The following STX16 variants were observed in gnomAD, a reference collection of about 807,000 sequenced individuals.
STX16 encodes syntaxin-16.
STX16 carries 28 observed loss-of-function variants against 42.7 expected under a neutral mutation model. That is an observed-to-expected ratio of 0.66 (90% confidence interval 0.49 to 0.90). The LOEUF (loss-of-function observed/expected upper bound fraction) is 0.90, where lower values mean the gene tolerates loss of function less well. Among genes scored for constraint, STX16 ranks in the 40% least tolerant of loss-of-function variants. STX16 has a pLI of 0.00. For missense variants in STX16, 361 were observed against 420.9 expected (o/e 0.86, Z 1.24); for synonymous variants, 156 against 155.2 (o/e 1.00, Z -0.04).
At chr20:58,658,162 C>T (rs1348792679) in intron 1 of STX16, among the ~76,000 whole-genome samples, 2 of 152,028 alleles carry the variant, frequency 1.3e-5, no homozygotes, top group Non-Finnish European at 2.9e-5. Flanking sequence ...GAGATTTTAA[C>T]CGAGGTTTGC....
At chr20:58,669,504 T>C in intron 5 of STX16, 51 bp downstream of exon 5, 1 of 1,551,964 alleles carries the variant, frequency 6.4e-7, no homozygotes, top group Middle Eastern at 1.7e-4. Flanking sequence ...AAAAGCACTT[T>C]ATGTTTTCTT....
In STX16 at chr20:58,657,005, C is replaced by T. The variant is rs769108871; in HGVS notation, c.133-2618C>T. Among the ~76,000 whole-genome samples, 18 of 152,240 alleles carry T rather than the reference C, an allele frequency of 1.2e-4. No homozygotes were observed. Among genetic ancestry groups the T allele is most frequent in the Admixed American group, 2.6e-4 (4 of 15,282 alleles). On this transcript the variant is annotated intron_variant, in intron 1 of 8. Coordinates refer to ENST00000371141, the MANE Select transcript of STX16 (RefSeq NM_001001433.3). The surrounding 1 kb of genome is among the most constrained non-coding windows in gnomAD (Gnocchi z 4.2). ...ATGGCTGGGGGCTGTGATTGGAACT[C>T]TGGCAAATCTGGCTTCAGAGCCCCG... is the stretch of plus-strand genomic sequence containing the variant.
chr20:58,652,396 T>G (rs2122880758), intron 1 of STX16: 2 of 455,186 alleles, frequency 4.4e-6, no homozygotes, highest in Non-Finnish European at 3.9e-6. Flanking sequence ...CCCCCCGCCT[T>G]GGCGTCACTG....
At chr20:58,673,515 G>A (rs2084031571) in intron 7 of STX16, 116 bp from the exon 8 acceptor site, 1 of 711,738 alleles carries the variant, frequency 1.4e-6, no homozygotes, top group Non-Finnish European at 2.4e-6. Context: ...CAGCACACAG[G>A]GAAGGAAAAC....
At position 58,678,072 on chromosome 20, in the gene STX16, T is replaced by C. The variant is rs1176455506; in HGVS notation, c.*1781T>C. 1 of 152,218 alleles carries C rather than the reference T, an allele frequency of 6.6e-6. No homozygotes were observed. The highest frequency in any genetic ancestry group is 1.5e-5 in the Non-Finnish European group (1 of 68,054). The allele number at this position is 152,218 out of a possible 1,614,324, so 9.4% of individuals were successfully genotyped here. On this transcript the variant is annotated 3_prime_UTR_variant, in exon 9 of 9. Coordinates refer to ENST00000371141, the MANE Select transcript of STX16 (RefSeq NM_001001433.3). ...GAGAGTCACTGCAGGTGTTCTTTCATCCCATCTGATTTTAACCCATGGTTG... is the reference window on the plus strand; with the variant it reads ...GAGAGTCACTGCAGGTGTTCTTTCACCCCATCTGATTTTAACCCATGGTTG...
chr20:58,651,665 G>A lies in STX16; in HGVS notation c.-342G>A. The A allele has an allele frequency of 3.9e-6, 1 of 253,404 alleles. No homozygotes were observed. Among genetic ancestry groups the A allele is most frequent in the Non-Finnish European group, 7.9e-6 (1 of 126,998 alleles). 15.7% of individuals were successfully genotyped at this position (253,404 alleles called of 1,614,324 possible). On this transcript the variant is annotated 5_prime_UTR_variant, in exon 1 of 9. Transcript: ENST00000371141. ...CTTCAGGGCCTCCCAGTCTAGAGCCGGATTGGCGAGTTAGACGCTTGTAGA... is the reference window on the plus strand; with the variant it reads ...CTTCAGGGCCTCCCAGTCTAGAGCCAGATTGGCGAGTTAGACGCTTGTAGA...
At chr20:58,673,588 A>G (rs749684578) in intron 7 of STX16, 43 bp from the exon 8 acceptor site, 8 of 1,335,788 alleles carry the variant, frequency 6.0e-6, no homozygotes, top group Non-Finnish European at 8.6e-6. Flanking sequence ...CAGTTTTCCC[A>G]GTTGCTATTG....
chr20:58,652,231 A>T, intron 1 of STX16, 93 bp downstream of exon 1: 1 of 1,524,480 alleles, frequency 6.6e-7, no homozygotes, highest in Non-Finnish European at 8.9e-7. Flanking sequence ...GTTTAAAAAG[A>T]GAAGATAAGA....
chr20:58,668,128 G>A lies in STX16; in HGVS notation c.393+1G>A. The stretch of plus-strand genomic sequence containing the variant: ...GATAACTACCCAAGAGATCACTCAG[G>A]TGAGGAGTGCAAGTGAGTCCTGGGG... On this transcript the variant is annotated splice_donor_variant, in intron 4 of 8. Coordinates refer to ENST00000371141, the MANE Select transcript of STX16 (RefSeq NM_001001433.3). LOFTEE classifies it high-confidence loss of function. 1 of 1,614,226 alleles carries A rather than the reference G, an allele frequency of 6.2e-7. No homozygotes were observed. The highest frequency in any genetic ancestry group is 8.5e-7 in the Non-Finnish European group (1 of 1,180,026).
At chr20:58,674,812 G>C (rs550711182) in intron 8 of STX16, among the ~76,000 whole-genome samples, 1 of 152,296 alleles carries the variant, frequency 6.6e-6, no homozygotes, top group Non-Finnish European at 1.5e-5. Context: ...TAATACCCAG[G>C]TTTTGATGTG....
In STX16 at chr20:58,657,729, A is replaced by G; in HGVS notation, c.133-1894A>G. On this transcript the variant is annotated intron_variant, in intron 1 of 8. Coordinates refer to ENST00000371141, the MANE Select transcript of STX16 (RefSeq NM_001001433.3). The surrounding 1 kb of genome is among the most constrained non-coding windows in gnomAD (Gnocchi z 4.2). Reference sequence around the variant, plus strand: ...AAATGTTTTAATTCAGGTCTTGACTAAATTTCCTGGTAATTTGGTGGCAGA... The same window carrying G: ...AAATGTTTTAATTCAGGTCTTGACTGAATTTCCTGGTAATTTGGTGGCAGA... Among the ~76,000 whole-genome samples, 1 of 152,236 alleles carries G rather than the reference A, an allele frequency of 6.6e-6. No homozygotes were observed.
chr20:58,656,628 C>G (rs780910641), intron 1 of STX16, among the ~76,000 whole-genome samples: 2 of 152,184 alleles, frequency 1.3e-5, no homozygotes, highest in Non-Finnish European at 2.9e-5. Flanking sequence ...AATCTATACT[C>G]TGCTTTAAAA....
intron 8 of STX16, among the ~76,000 whole-genome samples, chr20:58,674,190 G>A (rs73133403): frequency 0.058 from 8,838 of 152,194 alleles, 347 homozygotes; most frequent in Middle Eastern, 0.099. Flanking sequence ...AATTACCACA[G>A]CATATCTGTA....
In STX16 at chr20:58,670,524, G is replaced by T; in HGVS notation, c.569G>T (p.Arg190Leu). 6.2e-7 allele frequency: 1 copy of T among 1,613,778 alleles called. No individual in the cohort carries two copies. The highest frequency in any genetic ancestry group is 1.1e-5 in the South Asian group (1 of 91,040). Residue 190 changes from arginine to leucine, a missense_variant, in exon 6 of 9, where the codon CGA becomes CTA. By Grantham distance (102) the Arg-to-Leu change is moderately radical. Transcript: ENST00000371141. The part of the protein sequence containing the change: ...QSGYLKRMKN[R>L]EERSQHFFDT... ...CTATCTGTGATAGGCATGAAGAATC[G>T]AGAGGAAAGATCCCAGCATTTTTTC...
At chr20:58,655,823 C>G (rs1036526617) in intron 1 of STX16, among the ~76,000 whole-genome samples, 1 of 152,020 alleles carries the variant, frequency 6.6e-6, no homozygotes, top group Admixed American at 6.5e-5. Flanking sequence ...TTTCTGTATC[C>G]TTTTTAGATT....
chr20:58,658,374 TTTA>T (rs1337061930), intron 1 of STX16, among the ~76,000 whole-genome samples: 18 of 152,358 alleles, frequency 1.2e-4, no homozygotes, highest in African/African-American at 4.1e-4. Context: ...TTCCATTTGA[TTTA>T]TTAATATCGT....
chr20:58,654,633 A>T (rs547175724), intron 1 of STX16, among the ~76,000 whole-genome samples: 126 of 152,340 alleles, frequency 8.3e-4, no homozygotes, highest in African/African-American at 3.0e-3. Flanking sequence ...GCTCACAAAA[A>T]ATTTAAAGCC....
chr20:58,674,620 A>G (rs1331591164), intron 8 of STX16, among the ~76,000 whole-genome samples: 1 of 152,192 alleles, frequency 6.6e-6, no homozygotes, highest in Non-Finnish European at 1.5e-5. Flanking sequence ...TAGTCTAACC[A>G]GAAGCCCTGA....
At chr20:58,671,340 A>G in intron 7 of STX16, 43 bp downstream of exon 7, 6 of 1,563,264 alleles carry the variant, frequency 3.8e-6, no homozygotes, top group Non-Finnish European at 5.2e-6. Flanking sequence ...TTCCTGCCAT[A>G]CTATCTGTAC....
Sources: gnomAD v4.1 joint callset for allele counts (sites outside exome capture counted in the v4.1 genomes callset) on GRCh38, gnomAD v4.1.1 for gene constraint, Gnocchi (gnomAD v3.1) non-coding constraint, MANE v1.5 for transcripts, NCBI Gene and HGNC (gene_info 2026-07-23, HGNC 2026-07-21) for gene names.